SORCS2: variants seen among roughly 807,000 people sequenced by gnomAD.
SORCS2 encodes VPS10 domain-containing receptor SorCS2.
In SORCS2, 100 loss-of-function variants were observed where a neutral mutation model predicts 141.6. The observed-to-expected ratio is 0.71, with a 90% CI of 0.60 to 0.83. The LOEUF is 0.83. SORCS2 is among the 40% of genes least tolerant of loss of function. The pLI, the probability that SORCS2 is intolerant of heterozygous loss-of-function variation, is 0.00. For missense variants in SORCS2, 1,646 were observed against 1,560.2 expected, an observed-to-expected ratio of 1.05 and a Z score of -0.93; for synonymous variants, 789 against 676.9, an observed-to-expected ratio of 1.17 and a Z score of -2.57.
rs140764980 is a variant in SORCS2 at position 7,637,860 on chromosome 4, C to T, written c.649-468C>T. On this transcript the variant is annotated intron_variant, in intron 3 of 26. Coordinates refer to ENST00000507866, the MANE Select transcript of SORCS2 (RefSeq NM_020777.3). ...GCACTCCATGAATGAATAAATGAAT[C>T]AGTGAATGGCTATGATTTGCATTGA... Among the ~76,000 whole-genome samples, 175 of 149,772 alleles carry T rather than the reference C, an allele frequency of 1.2e-3. 1 individual carries two copies. Among genetic ancestry groups the T allele is most frequent in the African/African-American group, 4.2e-3 (170 of 40,480 alleles).
intron 12 of SORCS2, among the ~76,000 whole-genome samples, chr4:7,702,907 G>T (rs938160922): frequency 6.6e-6 from 1 of 152,206 alleles, no homozygotes; most frequent in South Asian, 2.1e-4. Flanking sequence ...TCAAATTGGG[G>T]TTTGCTTTGA....
chr4:7,448,315 C>T (rs934396338), intron 2 of SORCS2, among the ~76,000 whole-genome samples: 2 of 151,964 alleles, frequency 1.3e-5, no homozygotes, highest in South Asian at 4.1e-4. Flanking sequence ...TAGGGCCCTG[C>T]GCCGGCCAGG....
intron 2 of SORCS2, among the ~76,000 whole-genome samples, chr4:7,409,739 T>G (rs1440484852): frequency 6.6e-6 from 1 of 152,214 alleles, no homozygotes; most frequent in African/African-American, 2.4e-5. Flanking sequence ...TTTCTTACCA[T>G]CTGCTCTGAG....
chr4:7,366,836 A>G (rs993766409), intron 1 of SORCS2, among the ~76,000 whole-genome samples: 2 of 152,204 alleles, frequency 1.3e-5, no homozygotes, highest in African/African-American at 4.8e-5. Context: ...CCTGGCTCAC[A>G]GCTAGGTGCA....
chr4:7,405,745 C>T (rs554256898), intron 2 of SORCS2, among the ~76,000 whole-genome samples: 1 of 151,856 alleles, frequency 6.6e-6, no homozygotes, highest in Non-Finnish European at 1.5e-5. Flanking sequence ...TTCATGGACT[C>T]TTTAGTTTTT....
chr4:7,667,131 C>G lies in SORCS2; in HGVS notation c.1079C>G (p.Ser360Ter). The stretch of plus-strand genomic sequence containing the variant: ...GTTTCTTCCCCCGGTTAGGCAACAT[C>G]AGCAAACCAGACAAAATACTACGTC... ...QDDYIFFKAT[S>*]ANQTKYYVSY... Residue 360 changes from serine (S) to a stop codon, truncating the protein, a stop_gained, in exon 8 of 27, where the codon TCA becomes TGA. Transcript: ENST00000507866. LOFTEE classifies it high-confidence loss of function. The G allele has an allele frequency of 6.2e-7, 1 of 1,613,094 alleles. No homozygotes were observed. Among genetic ancestry groups the G allele is most frequent in the South Asian group, 1.1e-5 (1 of 91,052 alleles).
chr4:7,298,554 A>C (rs761894829), intron 1 of SORCS2, among the ~76,000 whole-genome samples: 26 of 152,180 alleles, frequency 1.7e-4, no homozygotes, highest in Non-Finnish European at 4.4e-5. Flanking sequence ...CTTTGTGGAC[A>C]GCATGTTTCT....
chr4:7,366,797 G>A (rs1721928053), intron 1 of SORCS2, among the ~76,000 whole-genome samples: 1 of 152,106 alleles, frequency 6.6e-6, no homozygotes, highest in African/African-American at 2.4e-5. Flanking sequence ...CAGGGCCAGG[G>A]ACCTGCCCAC....
intron 3 of SORCS2, among the ~76,000 whole-genome samples, chr4:7,580,897 A>AATTATAATAATAGATATGCCCTGGG (rs771436263): frequency 2.0e-5 from 3 of 152,166 alleles, no homozygotes; most frequent in Admixed American, 2.0e-4. Context: ...GCCTCCCCCA[A>AATTATAATAATAGATATGCCCTGGG]ATTATAATAA....
At chr4:7,629,001 T>TCTGAGAC (rs1036516455) in intron 3 of SORCS2, among the ~76,000 whole-genome samples, 3 of 152,128 alleles carry the variant, frequency 2.0e-5, no homozygotes, top group Admixed American at 2.0e-4. Flanking sequence ...AGGAAGGGCC[T>TCTGAGAC]CTGAGACGGT....
At position 7,659,173 on chromosome 4, in the gene SORCS2, A is replaced by G. The variant is rs1229726047; in HGVS notation, c.888-2327A>G. 4.6e-5 allele frequency among the ~76,000 whole-genome samples: 7 copies of G among 151,972 alleles called. No individual in the cohort carries two copies. The South Asian group carries it at 1.2e-3, about 27-fold the overall frequency. ...TCAGTGTGAAGAAAGTGGCAGGTAGATGACAGTTCAGTGGGCACATGGAGA... is the reference window on the plus strand; with the variant it reads ...TCAGTGTGAAGAAAGTGGCAGGTAGGTGACAGTTCAGTGGGCACATGGAGA... On this transcript the variant is annotated intron_variant, in intron 5 of 26. Transcript: ENST00000507866.
At chr4:7,465,477 G>A (rs1167947343) in intron 2 of SORCS2, among the ~76,000 whole-genome samples, 2 of 152,154 alleles carry the variant, frequency 1.3e-5, no homozygotes, top group African/African-American at 4.8e-5. Context: ...AAGGCGCCAG[G>A]GTGGGCACAG....
chr4:7,738,655 G>A lies in SORCS2; in HGVS notation c.3415+1483G>A, dbSNP rs1028635374. 5.9e-5 allele frequency among the ~76,000 whole-genome samples: 9 copies of A among 152,286 alleles called. No homozygotes were observed. The East Asian group carries it at 1.2e-3, about 20-fold the overall frequency. ...GCTGCCACTGCCGTTCTGATGATCC[G>A]GCTTCGAGCGTCACTCACACTCTGC... On this transcript the variant is annotated intron_variant, in intron 26 of 26. Coordinates refer to ENST00000507866, the MANE Select transcript of SORCS2 (RefSeq NM_020777.3).
intron 1 of SORCS2, among the ~76,000 whole-genome samples, chr4:7,259,871 C>A (rs1180036350): frequency 6.6e-6 from 1 of 152,220 alleles, no homozygotes; most frequent in Non-Finnish European, 1.5e-5. Context: ...TTTGCTCATG[C>A]GTGGAGCTGA....
chr4:7,439,810 G>C (rs1318938528), intron 2 of SORCS2, among the ~76,000 whole-genome samples: 1 of 152,156 alleles, frequency 6.6e-6, no homozygotes, highest in African/African-American at 2.4e-5. Context: ...GCATGGGGTG[G>C]TTTCCAGTTT....
At chr4:7,358,953 C>A (rs566899833) in intron 1 of SORCS2, among the ~76,000 whole-genome samples, 1 of 152,134 alleles carries the variant, frequency 6.6e-6, no homozygotes, top group East Asian at 1.9e-4. Flanking sequence ...ATCCTTCTAC[C>A]CAAACCTACT....
intron 1 of SORCS2, among the ~76,000 whole-genome samples, chr4:7,270,646 TAAA>T (rs1304917585): frequency 6.6e-6 from 1 of 152,160 alleles, no homozygotes; most frequent in Non-Finnish European, 1.5e-5. Context: ...GCCTTTCCAC[TAAA>T]AAAAGATCCC....
chr4:7,729,081 G>A (rs150193819), intron 22 of SORCS2, among the ~76,000 whole-genome samples: 9 of 152,334 alleles, frequency 5.9e-5, no homozygotes, highest in East Asian at 1.9e-4. Context: ...TGCATGGAAC[G>A]GGACTTCCAG....
chr4:7,536,954 G>A (rs1183893044), intron 3 of SORCS2, among the ~76,000 whole-genome samples: 2 of 152,228 alleles, frequency 1.3e-5, no homozygotes, highest in East Asian at 3.9e-4. Flanking sequence ...AGCCGGTAGA[G>A]AGAACAGAAG....
Sources: allele counts gnomAD v4.1 joint callset (sites outside exome capture counted in the v4.1 genomes callset), GRCh38; gene constraint gnomAD v4.1.1; transcripts MANE v1.5; gene names NCBI Gene and HGNC (gene_info 2026-07-23, HGNC 2026-07-21).